Variants in MACROD2 observed in about 807,000 individuals in gnomAD.
MACROD2 encodes the protein ADP-ribose glycohydrolase MACROD2.
In MACROD2, 36 loss-of-function variants were observed where a neutral mutation model predicts 70.4. The observed-to-expected ratio is 0.51, with a 90% CI of 0.39 to 0.68. MACROD2 has a LOEUF of 0.68. MACROD2 is among the 30% of genes least tolerant of loss of function. The probability of loss-of-function intolerance (pLI) is 0.00; values close to 1 mark genes in which losing one functional copy is unlikely to be tolerated. For synonymous variants in MACROD2, 172 were observed against 178.8 expected (o/e 0.96, Z 0.30); for missense variants, 496 against 538.4 (o/e 0.92, Z 0.78).
chr20:14,757,776 A>C, intron 5 of MACROD2: 1 of 1,534,298 alleles, frequency 6.5e-7, no homozygotes, highest in Non-Finnish European at 9.0e-7. Flanking sequence ...TACCTTCCCA[A>C]TGAGGGTATC....
intron 7 of MACROD2, among the ~76,000 whole-genome samples, chr20:15,446,872 A>G (rs988617617): frequency 6.6e-6 from 1 of 152,192 alleles, no homozygotes; most frequent in African/African-American, 2.4e-5. Flanking sequence ...GAAGGAAAGG[A>G]GGTCTCAACA....
intron 4 of MACROD2, among the ~76,000 whole-genome samples, chr20:14,499,763 C>T (rs1056384318): frequency 1.3e-5 from 2 of 151,994 alleles, no homozygotes; most frequent in Admixed American, 6.6e-5. Flanking sequence ...TCCTGCCTCC[C>T]TTCCTTCTTT....
At position 15,486,813 on chromosome 20, in the gene MACROD2, C is replaced by T. The variant is rs375003786; in HGVS notation, c.572-12961C>T. 7.2e-5 allele frequency among the ~76,000 whole-genome samples: 11 copies of T among 152,322 alleles called. No homozygotes were observed. The East Asian group carries it at 1.4e-3, about 19-fold the overall frequency. ...GGATTTCTGAAACATTGTGTGTTCA[C>T]CAGCAGCATTAGTTCTCACTCAATG... On this transcript the variant is annotated intron_variant, in intron 7 of 17. Transcript: ENST00000684519.
At chr20:15,842,712 G>GGATA (rs60376874) in intron 8 of MACROD2, among the ~76,000 whole-genome samples, 10,993 of 141,564 alleles carry the variant, frequency 0.078, 621 homozygotes, top group African/African-American at 0.16. Flanking sequence ...GTGGGTGGAT[G>GGATA]GATAGATAGA....
intron 8 of MACROD2, among the ~76,000 whole-genome samples, chr20:15,675,904 C>A (rs1336007017): frequency 6.6e-6 from 1 of 152,094 alleles, no homozygotes. Context: ...TTCATTAACA[C>A]AACAGAGCCT....
At chr20:14,193,594 G>A (rs2081406145) in intron 3 of MACROD2, among the ~76,000 whole-genome samples, 1 of 152,188 alleles carries the variant, frequency 6.6e-6, no homozygotes, top group African/African-American at 2.4e-5. Flanking sequence ...AGGGATCAAT[G>A]GGAAGAAGTA....
intron 3 of MACROD2, among the ~76,000 whole-genome samples, chr20:14,438,882 C>G (rs1455531955): frequency 6.6e-6 from 1 of 151,982 alleles, no homozygotes; most frequent in Non-Finnish European, 1.5e-5. Context: ...TTATTGTTTC[C>G]TTTGCTGTGC....
chr20:15,575,181 T>C (rs1222156213), intron 8 of MACROD2, among the ~76,000 whole-genome samples: 2 of 152,188 alleles, frequency 1.3e-5, no homozygotes, highest in African/African-American at 4.8e-5. Flanking sequence ...TTTTGTTATA[T>C]TTTTTTCTTG....
intron 8 of MACROD2, among the ~76,000 whole-genome samples, chr20:15,549,486 C>T (rs2048066986): frequency 6.6e-6 from 1 of 152,170 alleles, no homozygotes; most frequent in South Asian, 2.1e-4. Context: ...TTTAGGTTCT[C>T]ATATTGTGTT....
At chr20:15,609,020 G>GGAT (rs2048930858) in intron 8 of MACROD2, among the ~76,000 whole-genome samples, 1 of 151,972 alleles carries the variant, frequency 6.6e-6, no homozygotes, top group Non-Finnish European at 1.5e-5. Context: ...AATTCTTGTG[G>GGAT]GATGATGTCC....
At chr20:15,009,943 G>T (rs1037334921) in intron 5 of MACROD2, among the ~76,000 whole-genome samples, 1 of 152,002 alleles carries the variant, frequency 6.6e-6, no homozygotes, top group Middle Eastern at 3.2e-3. Flanking sequence ...TTATTGGCAA[G>T]ATTATGTTTC....
At chr20:14,283,264 A>C (rs1601433458) in intron 3 of MACROD2, among the ~76,000 whole-genome samples, 1 of 152,214 alleles carries the variant, frequency 6.6e-6, no homozygotes, top group Admixed American at 6.5e-5. Flanking sequence ...AAATGCAATA[A>C]ATTTAGTGCA....
chr20:15,296,719 G>T (rs2077592874), intron 6 of MACROD2, among the ~76,000 whole-genome samples: 1 of 151,512 alleles, frequency 6.6e-6, no homozygotes, highest in Non-Finnish European at 1.5e-5. Flanking sequence ...AAAGGAATTT[G>T]GTTGTTTCTG....
intron 6 of MACROD2, among the ~76,000 whole-genome samples, chr20:15,377,717 G>A (rs1372097359): frequency 6.6e-6 from 1 of 152,234 alleles, no homozygotes; most frequent in Non-Finnish European, 1.5e-5. Flanking sequence ...TGCTTTTCAT[G>A]TAATTGATTC....
intron 3 of MACROD2, among the ~76,000 whole-genome samples, chr20:14,246,902 G>A (rs1449807059): frequency 6.6e-6 from 1 of 151,910 alleles, no homozygotes; most frequent in African/African-American, 2.4e-5. Context: ...AAAAGTTAGG[G>A]GCCTCATTTC....
chr20:15,491,542 G>C (rs999087147), intron 7 of MACROD2, among the ~76,000 whole-genome samples: 11 of 152,232 alleles, frequency 7.2e-5, no homozygotes, highest in Non-Finnish European at 1.2e-4. Flanking sequence ...ATTATCATGG[G>C]ATTTGCCACT....
chr20:14,491,472 C>T (rs1232498066), intron 3 of MACROD2, among the ~76,000 whole-genome samples: 1 of 152,140 alleles, frequency 6.6e-6, no homozygotes, highest in East Asian at 1.9e-4. Context: ...TAGAATATCA[C>T]AATTTTGTAA....
chr20:15,526,877 A>G (rs2047728798), intron 8 of MACROD2, among the ~76,000 whole-genome samples: 1 of 152,152 alleles, frequency 6.6e-6, no homozygotes, highest in Admixed American at 6.5e-5. Flanking sequence ...TCAATGAAAG[A>G]TGTGCAGTCC....
At chr20:14,446,162 C>T (rs13044911) in intron 3 of MACROD2, among the ~76,000 whole-genome samples, 23,615 of 152,080 alleles carry the variant, frequency 0.16, 2,621 homozygotes, top group Non-Finnish European at 0.22. Context: ...CTTTCTCTCT[C>T]ACTCCTTATT....
Sources: gnomAD v4.1 joint callset for allele counts (sites outside exome capture counted in the v4.1 genomes callset) on GRCh38, gnomAD v4.1.1 for gene constraint, MANE v1.5 for transcripts, NCBI Gene and HGNC (gene_info 2026-07-23, HGNC 2026-07-21) for gene names.